Variants in SH3BGRL2 observed in about 807,000 individuals in gnomAD.
SH3BGRL2 encodes SH3 domain binding glutamate rich protein like 2.
A neutral mutation model predicts 14.8 loss-of-function variants in SH3BGRL2; 21 were observed. The observed-to-expected ratio is 1.42, with a 90% CI of 1.01 to 2.05. The LOEUF is 2.05. SH3BGRL2 is among the 30% of genes most tolerant of loss of function. SH3BGRL2 has a pLI of 0.00. For missense variants in SH3BGRL2, 147 were observed against 130.8 expected, an observed-to-expected ratio of 1.12 and a Z score of -0.61; for synonymous variants, 50 against 47.8, an observed-to-expected ratio of 1.05 and a Z score of -0.19.
chr6:79,653,455 T>C (rs903907961), intron 1 of SH3BGRL2, among the ~76,000 whole-genome samples: 3 of 152,256 alleles, frequency 2.0e-5, no homozygotes, highest in Admixed American at 6.5e-5. Context: ...TTAGAACTTA[T>C]CATCAAATTA....
At chr6:79,687,562 A>G (rs1770125298) in intron 2 of SH3BGRL2, among the ~76,000 whole-genome samples, 1 of 152,198 alleles carries the variant, frequency 6.6e-6, no homozygotes, top group African/African-American at 2.4e-5. Context: ...CAGGATTGGA[A>G]TTGTCTACTG....
the SH3BGRL2 span, among the ~76,000 whole-genome samples, chr6:79,569,766 T>G: frequency 6.6e-6 from 1 of 152,210 alleles, no homozygotes; most frequent in Non-Finnish European, 1.5e-5. Flanking sequence ...AACCTTCTTC[T>G]GGTTTGTATC....
chr6:79,640,703 C>T (rs1582713905), intron 1 of SH3BGRL2, among the ~76,000 whole-genome samples: 1 of 151,818 alleles, frequency 6.6e-6, no homozygotes, highest in Non-Finnish European at 1.5e-5. Flanking sequence ...TCTTGGTGGG[C>T]CCTCTGCCAG....
At chr6:79,624,402 G>A in the SH3BGRL2 span, among the ~76,000 whole-genome samples, 1 of 151,324 alleles carries the variant, frequency 6.6e-6, no homozygotes, top group African/African-American at 2.4e-5. Context: ...ATGACTAGGA[G>A]AGTCCTACAA....
chr6:79,603,697 A>G, the SH3BGRL2 span, among the ~76,000 whole-genome samples: 2 of 152,206 alleles, frequency 1.3e-5, no homozygotes, highest in Non-Finnish European at 2.9e-5. Context: ...GTGGCCCACA[A>G]TGATATATTA....
At chr6:79,541,358 A>G in the SH3BGRL2 span, among the ~76,000 whole-genome samples, 2 of 152,338 alleles carry the variant, frequency 1.3e-5, no homozygotes, top group African/African-American at 2.4e-5. Flanking sequence ...CTTAAAAAAA[A>G]AGAATGCATT....
At chr6:79,670,752 A>G (rs916980332) in intron 1 of SH3BGRL2, among the ~76,000 whole-genome samples, 2 of 152,150 alleles carry the variant, frequency 1.3e-5, no homozygotes, top group Non-Finnish European at 2.9e-5. Flanking sequence ...TTAAGGACCC[A>G]GGCTACTGTC....
intron 1 of SH3BGRL2, among the ~76,000 whole-genome samples, chr6:79,658,691 A>T (rs1354661206): frequency 1.3e-5 from 2 of 152,192 alleles, no homozygotes; most frequent in Admixed American, 6.5e-5. Context: ...TGGTATTTCT[A>T]GTTCTAGATC....
chr6:79,664,065 A>G (rs1442497535), intron 1 of SH3BGRL2, among the ~76,000 whole-genome samples: 1 of 152,224 alleles, frequency 6.6e-6, no homozygotes, highest in Non-Finnish European at 1.5e-5. Flanking sequence ...TTCCAGGTAC[A>G]GTCTGTCATG....
At chr6:79,619,804 C>A in the SH3BGRL2 span, among the ~76,000 whole-genome samples, 1 of 152,188 alleles carries the variant, frequency 6.6e-6, no homozygotes, top group Non-Finnish European at 1.5e-5. Context: ...TATTCCTTTT[C>A]TCTTCTATAG....
upstream of SH3BGRL2, among the ~76,000 whole-genome samples, chr6:79,626,987 A>C (rs939672858): frequency 2.0e-5 from 3 of 152,156 alleles, no homozygotes; most frequent in South Asian, 6.2e-4. Context: ...GAACCACGGC[A>C]GACTTGGATT....
At chr6:79,681,645 A>G (rs1769989686) in intron 2 of SH3BGRL2, among the ~76,000 whole-genome samples, 1 of 152,198 alleles carries the variant, frequency 6.6e-6, no homozygotes, top group South Asian at 2.1e-4. Flanking sequence ...TCAGAAGCAG[A>G]GCCCAAGCAC....
chr6:79,607,617 C>T, the SH3BGRL2 span, among the ~76,000 whole-genome samples: 4 of 152,084 alleles, frequency 2.6e-5, no homozygotes, highest in South Asian at 2.1e-4. Context: ...AGTCTGTTCT[C>T]GTGTTGCTAT....
chr6:79,589,496 A>G, the SH3BGRL2 span, among the ~76,000 whole-genome samples: 1 of 152,140 alleles, frequency 6.6e-6, no homozygotes, highest in East Asian at 1.9e-4. Context: ...TCATAATCAA[A>G]TCATTGAAGA....
At chr6:79,687,073 C>T (rs2127737256) in intron 2 of SH3BGRL2, among the ~76,000 whole-genome samples, 2 of 152,294 alleles carry the variant, frequency 1.3e-5, no homozygotes, top group Non-Finnish European at 2.9e-5. Flanking sequence ...GAGCACTTCT[C>T]TGGAGCTCTG....
chr6:79,696,934 A>C (rs774422837), intron 3 of SH3BGRL2, among the ~76,000 whole-genome samples: 20 of 152,092 alleles, frequency 1.3e-4, no homozygotes, highest in Non-Finnish European at 4.4e-5. Flanking sequence ...AGGTGTTTTA[A>C]ATTTACTTTC....
At chr6:79,639,604 C>T (rs1177913681) in intron 1 of SH3BGRL2, among the ~76,000 whole-genome samples, 4 of 152,034 alleles carry the variant, frequency 2.6e-5, no homozygotes, top group Non-Finnish European at 5.9e-5. Flanking sequence ...AAACAAACCC[C>T]AAAACCATCA....
intron 2 of SH3BGRL2, among the ~76,000 whole-genome samples, chr6:79,689,637 G>A (rs946891254): frequency 2.6e-5 from 4 of 151,748 alleles, no homozygotes; most frequent in Non-Finnish European, 5.9e-5. Context: ...TTTTGAGGCT[G>A]CAGCCTCAAA....
chr6:79,697,545 T>C (rs75177728), intron 3 of SH3BGRL2, among the ~76,000 whole-genome samples: 3,828 of 152,280 alleles, frequency 0.025, 176 homozygotes, highest in African/African-American at 0.087. Flanking sequence ...CTCAATAACA[T>C]AAATTATAGA....
Sources: gnomAD v4.1 joint callset for allele counts (sites outside exome capture counted in the v4.1 genomes callset) on GRCh38, gnomAD v4.1.1 for gene constraint, MANE v1.5 for transcripts, NCBI Gene and HGNC (gene_info 2026-07-23, HGNC 2026-07-21) for gene names.